The following FHAD1 variants were observed in gnomAD, a reference collection of about 807,000 sequenced individuals.
The protein encoded by FHAD1 is forkhead-associated domain-containing protein 1.
FHAD1 carries 146 observed loss-of-function variants against 191.3 expected under a neutral mutation model. The observed-to-expected ratio is 0.76, with a 90% CI of 0.67 to 0.88. FHAD1 has a LOEUF of 0.88. FHAD1 is among the 40% of genes least tolerant of loss of function. FHAD1 has a pLI of 0.00. For missense variants in FHAD1, 1,635 were observed against 1,785.8 expected (o/e 0.92, Z 1.52); for synonymous variants, 616 against 672.3 (o/e 0.92, Z 1.29).
chr1:15,260,054 A>C (rs560993759), intron 2 of FHAD1, among the ~76,000 whole-genome samples: 2 of 152,318 alleles, frequency 1.3e-5, no homozygotes, highest in Admixed American at 1.3e-4. Flanking sequence ...CCCCCTCCTC[A>C]AAAGGCTTTG....
rs1675282521 is a variant in FHAD1 at position 15,318,620 on chromosome 1, C to G, written c.1365+692C>G. On this transcript the variant is annotated intron_variant, in intron 10 of 33. Transcript: ENST00000688493. The surrounding 1 kb of genome is among the most constrained non-coding windows in gnomAD (Gnocchi z 4.1). ...CCGCACTCCAGCCTGGGCGACAGAGCAAGACTCCGTCTCAAAAAAAAAAAA... is the reference window on the plus strand; with the variant it reads ...CCGCACTCCAGCCTGGGCGACAGAGGAAGACTCCGTCTCAAAAAAAAAAAA... Among the ~76,000 whole-genome samples, 2 of 150,958 alleles carry G rather than the reference C, an allele frequency of 1.3e-5. No homozygotes were observed. Among genetic ancestry groups the G allele is most frequent in the South Asian group, 4.2e-4 (2 of 4,750 alleles).
At chr1:15,388,481 G>A (rs1702902765) in intron 32 of FHAD1, 1 of 888,296 alleles carries the variant, frequency 1.1e-6, no homozygotes, top group African/African-American at 1.8e-5. Context: ...GCCATCCTAG[G>A]CCACTAAGTA....
Position 15,380,770 on chromosome 1 carries a change from G to A in FHAD1, c.3775G>A (p.Glu1259Lys). The A allele has an allele frequency of 6.4e-7, 1 of 1,551,702 alleles. No homozygotes were observed. Among genetic ancestry groups the A allele is most frequent in the Non-Finnish European group, 8.7e-7 (1 of 1,146,978 alleles). Residue 1259 changes from glutamate to lysine, a missense_variant, in exon 29 of 34, where the codon GAG becomes AAG. Glu to Lys is a moderately conservative substitution (Grantham distance 56). Transcript: ENST00000688493. ...MEKSGKMDVA[E>K]ALELSEKLYL... ...GAAGTCAGGGAAGATGGATGTGGCTGAGGCTTTAGAGCTCAGTGAAAAGCT... is the reference window on the plus strand; with the variant it reads ...GAAGTCAGGGAAGATGGATGTGGCTAAGGCTTTAGAGCTCAGTGAAAAGCT...
At position 15,276,306 on chromosome 1, in the gene FHAD1, C is replaced by T. The variant is rs1658357146; in HGVS notation, c.300+3777C>T. On this transcript the variant is annotated intron_variant, in intron 3 of 33. Transcript: ENST00000688493. This position sits in a 1 kb window ranked among gnomAD's most constrained non-coding sequence, Gnocchi z 4.7. ...GGTAAGAGGAGCACGCTAGCAGCCA[C>T]CTGCCTCCACTGTGAGCCTTCCCAT... Among the ~76,000 whole-genome samples the T allele has an allele frequency of 6.6e-6, 1 of 152,234 alleles. No individual in the cohort carries two copies. Among genetic ancestry groups the T allele is most frequent in the Admixed American group, 6.5e-5 (1 of 15,286 alleles).
At chr1:15,244,407 C>G (rs1573557739), upstream of FHAD1, among the ~76,000 whole-genome samples, 2 of 152,246 alleles carry the variant, frequency 1.3e-5, no homozygotes, top group Admixed American at 1.3e-4. This position sits in a 1 kb window ranked among gnomAD's most constrained non-coding sequence, Gnocchi z 5.1. Context: ...ATGGGCTGTT[C>G]CAGCTCATGG....
At chr1:15,240,859 A>AG (rs1461077312) in intron 1 of FHAD1, among the ~76,000 whole-genome samples, 5 of 150,392 alleles carry the variant, frequency 3.3e-5, no homozygotes, top group Admixed American at 2.0e-4. Flanking sequence ...CGGGAGGCTG[A>AG]GGCAGAAGAA....
At chr1:15,348,074 C>T (rs1409775818) in intron 18 of FHAD1, among the ~76,000 whole-genome samples, 2 of 152,346 alleles carry the variant, frequency 1.3e-5, no homozygotes, top group South Asian at 2.1e-4. Flanking sequence ...GGAAAATGTC[C>T]TACCCTGAAA....
At chr1:15,366,189 G>A (rs1211907348) in intron 24 of FHAD1, among the ~76,000 whole-genome samples, 1 of 150,710 alleles carries the variant, frequency 6.6e-6, no homozygotes, top group African/African-American at 2.5e-5. Flanking sequence ...AGGAGGCTGA[G>A]GCAGAGGATT....
In FHAD1 at chr1:15,352,907, C is replaced by T. The variant is rs144834032; in HGVS notation, c.2485C>T (p.Arg829Cys). 540 of 1,551,326 alleles carry T rather than the reference C, an allele frequency of 3.5e-4. 1 individual carries two copies. In the African/African-American group the frequency reaches 6.4e-3, roughly 18 times the overall value. ...AGAGAGCAACATTGCGTACGAGAAA[C>T]GCAAAGCAAAGGAGGCCATGGAGAA... The part of the protein sequence containing the change: ...ISESNIAYEK[R>C]KAKEAMEKEK... Residue 829 changes from arginine (R) to cysteine (C), a missense_variant, in exon 20 of 34, where the codon CGC becomes TGC. Arg to Cys is a radical substitution (Grantham distance 180). Transcript: ENST00000688493.
chr1:15,388,219 C>A, intron 32 of FHAD1, 88 bp downstream of exon 32: 2 of 816,910 alleles, frequency 2.4e-6, no homozygotes, highest in Non-Finnish European at 3.6e-6. Context: ...TGCCTGCACG[C>A]GCTGCCCAAG....
intron 4 of FHAD1, among the ~76,000 whole-genome samples, chr1:15,294,830 C>T (rs879889293): frequency 1.3e-5 from 2 of 152,100 alleles, no homozygotes; most frequent in African/African-American, 4.8e-5. Context: ...GGGGCAGAAT[C>T]GCCCTGGTCA....
chr1:15,349,818 T>TGG (rs1038556479), intron 19 of FHAD1, among the ~76,000 whole-genome samples: 7 of 152,146 alleles, frequency 4.6e-5, no homozygotes, highest in Non-Finnish European at 1.0e-4. Context: ...GGGTCAGAGC[T>TGG]GGAGACATCC....
At chr1:15,320,342 C>T (rs1357001453) in intron 10 of FHAD1, among the ~76,000 whole-genome samples, 1 of 152,158 alleles carries the variant, frequency 6.6e-6, no homozygotes, top group Non-Finnish European at 1.5e-5. Context: ...GTTTAGTATT[C>T]TGTATATGGA....
Position 15,358,184 on chromosome 1 carries a change from G to C in FHAD1, c.2637G>C (p.Glu879Asp). 1 of 1,539,902 alleles carries C rather than the reference G, an allele frequency of 6.5e-7. No individual in the cohort carries two copies. ...KLSDALAMVEETQKTKATESL... is the reference protein window; with the variant it reads ...KLSDALAMVEDTQKTKATESL... ...GTGACGCACTGGCCATGGTTGAAGA[G>C]ACTCAGAAAACAAAGGCAACTGAAA... Residue 879 changes from glutamate to aspartate, a missense_variant, in exon 21 of 34, where the codon GAG becomes GAC. Physicochemically the swap from Glu to Asp is conservative, Grantham distance 45. Transcript: ENST00000688493.
At chr1:15,331,111 C>T (rs888955645) in intron 14 of FHAD1, among the ~76,000 whole-genome samples, 2 of 152,004 alleles carry the variant, frequency 1.3e-5, no homozygotes, top group African/African-American at 4.8e-5. Context: ...GTGTAAAAGA[C>T]GGATGTGATT....
At chr1:15,392,902 G>A (rs913980764) in intron 33 of FHAD1, among the ~76,000 whole-genome samples, 2 of 152,038 alleles carry the variant, frequency 1.3e-5, no homozygotes, top group South Asian at 2.1e-4. Flanking sequence ...GCCACCTACC[G>A]TGCTAAGCAC....
intron 33 of FHAD1, among the ~76,000 whole-genome samples, chr1:15,395,529 GC>G (rs1252387380): frequency 6.6e-6 from 1 of 152,126 alleles, no homozygotes; most frequent in African/African-American, 2.4e-5. Context: ...GCATCTCACA[GC>G]CCATTACCCC....
intron 1 of FHAD1, among the ~76,000 whole-genome samples, chr1:15,241,258 T>C (rs1364990892): frequency 3.9e-5 from 6 of 152,176 alleles, no homozygotes; most frequent in Non-Finnish European, 7.3e-5. Flanking sequence ...AGAGACATGC[T>C]TGACTTTGGG....
downstream of FHAD1, among the ~76,000 whole-genome samples, chr1:15,399,480 C>T (rs1348960182): frequency 1.3e-5 from 2 of 151,958 alleles, no homozygotes; most frequent in African/African-American, 2.4e-5. Context: ...CTGGGAGGAT[C>T]GCTTGAGCCC....
Sources: allele counts gnomAD v4.1 joint callset (sites outside exome capture counted in the v4.1 genomes callset), GRCh38; gene constraint gnomAD v4.1.1; non-coding constraint Gnocchi (gnomAD v3.1); transcripts MANE v1.5; gene names NCBI Gene and HGNC (gene_info 2026-07-23, HGNC 2026-07-21).